The following WDR76 variants were observed in gnomAD, a reference collection of about 807,000 sequenced individuals.
WDR76 encodes WD repeat-containing protein 76.
A neutral mutation model predicts 70.2 loss-of-function variants in WDR76; 52 were observed. The observed-to-expected ratio is 0.74, with a 90% confidence interval of 0.59 to 0.93. The LOEUF is 0.93. Ranked by LOEUF, WDR76 falls within the 40% of genes least tolerant of loss-of-function variation. WDR76 has a pLI of 0.00. For missense variants in WDR76, 756 were observed against 760.2 expected (o/e 0.99, Z 0.07); for synonymous variants, 292 against 271.1 (o/e 1.08, Z -0.76).
chr15:43,845,993 A>G (rs2087784023), intron 8 of WDR76, among the ~76,000 whole-genome samples: 1 of 150,044 alleles, frequency 6.7e-6, no homozygotes. Context: ...GTGAGTGGGG[A>G]TAGGAGGTGA....
intron 11 of WDR76, among the ~76,000 whole-genome samples, chr15:43,860,413 T>C (rs1455805319): frequency 1.3e-5 from 2 of 152,228 alleles, no homozygotes; most frequent in African/African-American, 4.8e-5. Flanking sequence ...TCCCATATTT[T>C]TGTGAATTTT....
chr15:43,842,108 C>T (rs1389415451), intron 5 of WDR76, among the ~76,000 whole-genome samples: 1 of 152,062 alleles, frequency 6.6e-6, no homozygotes, highest in Non-Finnish European at 1.5e-5. Context: ...CCTTGTGATC[C>T]GCCTGCCTCG....
rs1244496014 is a variant in WDR76 at position 43,867,969 on chromosome 15, A to G, written c.*1577A>G. On this transcript the variant is annotated 3_prime_UTR_variant, in exon 13 of 13. Coordinates refer to ENST00000263795, the MANE Select transcript of WDR76 (RefSeq NM_024908.4). ...AGAGGAAATATTTTCCCATAATTGT[A>G]TATCAGAGAAATATAGTGATATACA... The G allele has an allele frequency of 2.6e-5, 4 of 152,202 alleles. No homozygotes were observed. The highest frequency in any genetic ancestry group is 4.4e-5 in the Non-Finnish European group (3 of 68,030). 9.4% of individuals were successfully genotyped at this position (152,202 alleles called of 1,614,324 possible). A position where few individuals can be genotyped will look rare whatever the true frequency, so the allele number is the denominator to read the frequency against.
rs567839142 is a variant in WDR76 at position 43,833,624 on chromosome 15, T to C, written c.463-1437T>C. On this transcript the variant is annotated intron_variant, in intron 2 of 12. Coordinates refer to ENST00000263795, the MANE Select transcript of WDR76 (RefSeq NM_024908.4). ...GTGAGCCACTGCTCCCAGCCCTTTC[T>C]TTTTTTTTTTTGTTTGTTTGTTTTT... Among the ~76,000 whole-genome samples the C allele has an allele frequency of 1.6e-3, 217 of 138,204 alleles. 1 individual carries two copies. Among genetic ancestry groups the C allele is most frequent in the Non-Finnish European group, 2.5e-3 (164 of 65,074 alleles). The allele number at this position is 138,204 out of a possible 152,430, so 90.7% of individuals were successfully genotyped here. A position where few individuals can be genotyped will look rare whatever the true frequency, so the allele number is the denominator to read the frequency against.
At chr15:43,848,823 A>G (rs994095715) in intron 8 of WDR76, among the ~76,000 whole-genome samples, 3 of 152,078 alleles carry the variant, frequency 2.0e-5, no homozygotes, top group Admixed American at 1.3e-4. Flanking sequence ...CTGTAATCCC[A>G]GCCACTTGGG....
At position 43,866,851 on chromosome 15, in the gene WDR76, C is replaced by G. The variant is rs1384310382; in HGVS notation, c.*459C>G. The G allele has an allele frequency of 1.3e-5, 2 of 157,316 alleles. No homozygotes were observed. Among genetic ancestry groups the G allele is most frequent in the Non-Finnish European group, 2.8e-5 (2 of 70,958 alleles). The allele number at this position is 157,316 out of a possible 1,614,324, so 9.7% of individuals were successfully genotyped here. A position where few individuals can be genotyped will look rare whatever the true frequency, so the allele number is the denominator to read the frequency against. ...TCATGTTGGCCAGGCTGGTCTCGAG[C>G]TCCTGACCTCAGGTGATCTGCCCGC... On this transcript the variant is annotated 3_prime_UTR_variant, in exon 13 of 13. Coordinates refer to ENST00000263795, the MANE Select transcript of WDR76 (RefSeq NM_024908.4).
chr15:43,849,955 C>T (rs894752038), intron 8 of WDR76, among the ~76,000 whole-genome samples: 1 of 152,166 alleles, frequency 6.6e-6, no homozygotes, highest in African/African-American at 2.4e-5. Context: ...TCAGTAGTTT[C>T]TAACTCTGGT....
intron 12 of WDR76, among the ~76,000 whole-genome samples, chr15:43,864,950 A>T (rs964523506): frequency 1.3e-5 from 2 of 151,448 alleles, no homozygotes; most frequent in Non-Finnish European, 2.9e-5. Flanking sequence ...TTTGAAATGG[A>T]GTCTCCCTCT....
In WDR76 at chr15:43,857,053, A is replaced by G; in HGVS notation, c.1299A>G (p.Arg433=). The part of the protein sequence containing the change: ...HWDGNMSLVD[R]RTPGTSYEKL... ...ATGGAAATATGTCACTGGTGGATAG[A>G]CGGACACCTGGAACTTCTTATGAGA... Residue 433 remains arginine, a synonymous_variant, in exon 10 of 13, where the codon AGA becomes AGG. Transcript: ENST00000263795. The G allele has an allele frequency of 6.2e-7, 1 of 1,614,122 alleles. No homozygotes were observed. Among genetic ancestry groups the G allele is most frequent in the Admixed American group, 1.7e-5 (1 of 60,016 alleles).
At position 43,850,688 on chromosome 15, in the gene WDR76, T is replaced by C. The variant is rs117683024; in HGVS notation, c.1033-399T>C. ...TTACGAAAATTACACTGAGAATGAG[T>C]AAGTTAATATTATACAGAAGAAGCC... On this transcript the variant is annotated intron_variant, in intron 8 of 12. Coordinates refer to ENST00000263795, the MANE Select transcript of WDR76 (RefSeq NM_024908.4). Among the ~76,000 whole-genome samples, 1,108 of 152,168 alleles carry C rather than the reference T, an allele frequency of 7.3e-3. 2 individuals carry two copies. Among genetic ancestry groups the C allele is most frequent in the Non-Finnish European group, 0.011 (731 of 68,008 alleles).
rs1422331350 is a variant in WDR76 at position 43,842,621 on chromosome 15, G to C, written c.835-7G>C. On this transcript the variant is annotated splice_region_variant and splice_polypyrimidine_tract_variant and intron_variant, in intron 6 of 12. Transcript: ENST00000263795. ...ACTTAGTTCTTTCATCTCTCCCAAT[G>C]TTTCAGCCAAGTAGTAAGAACACTG... The C allele has an allele frequency of 6.2e-7, 1 of 1,609,302 alleles. No individual in the cohort carries two copies. The highest frequency in any genetic ancestry group is 1.7e-5 in the Admixed American group (1 of 59,790).
At chr15:43,831,161 G>T (rs2087583295) in intron 2 of WDR76, among the ~76,000 whole-genome samples, 1 of 152,074 alleles carries the variant, frequency 6.6e-6, no homozygotes, top group Non-Finnish European at 1.5e-5. Flanking sequence ...AACCTAGGTG[G>T]TGGAGGTTGC....
At chr15:43,853,436 C>G (rs77779160) in intron 9 of WDR76, among the ~76,000 whole-genome samples, 1 of 152,014 alleles carries the variant, frequency 6.6e-6, no homozygotes, top group East Asian at 1.9e-4. Flanking sequence ...AGTGATCTGC[C>G]CACCTTGGCC....
intron 12 of WDR76, among the ~76,000 whole-genome samples, chr15:43,863,538 TTTG>T (rs1305902218): frequency 2.0e-5 from 3 of 151,432 alleles, no homozygotes; most frequent in Non-Finnish European, 2.9e-5. Context: ...TGCCCAGCAG[TTTG>T]TTAACTACTC....
rs776058622 is a variant in WDR76 at position 43,851,255 on chromosome 15, A to C, written c.1191+10A>C. 7 of 1,613,324 alleles carry C rather than the reference A, an allele frequency of 4.3e-6. No individual in the cohort carries two copies. The highest frequency in any genetic ancestry group is 1.7e-5 in the Admixed American group (1 of 59,870). On this transcript the variant is annotated intron_variant, in intron 9 of 12. Coordinates refer to ENST00000263795, the MANE Select transcript of WDR76 (RefSeq NM_024908.4). ...GGCTATTTTTGAAGAGGTAAATGTT[A>C]ATGTGTTTACATGCTGACTTCAGAT... is the stretch of plus-strand genomic sequence containing the variant.
chr15:43,832,642 C>T (rs2141723323), intron 2 of WDR76, among the ~76,000 whole-genome samples: 1 of 150,830 alleles, frequency 6.6e-6, no homozygotes, highest in East Asian at 2.0e-4. Context: ...GATTAGGTTT[C>T]ACCATGGTGG....
At chr15:43,835,461 C>A (rs2087644006) in intron 3 of WDR76, among the ~76,000 whole-genome samples, 1 of 150,158 alleles carries the variant, frequency 6.7e-6, no homozygotes, top group South Asian at 2.1e-4. Flanking sequence ...TGCATTCCAG[C>A]TTGGGCAACA....
chr15:43,861,302 A>G (rs1476083689), intron 11 of WDR76, 31 bp from the exon 12 acceptor site: 2 of 1,589,258 alleles, frequency 1.3e-6, no homozygotes, highest in East Asian at 4.5e-5. Context: ...TTTAAGTAAC[A>G]AAAGAATGTC....
chr15:43,849,133 C>G (rs1362079704), intron 8 of WDR76, among the ~76,000 whole-genome samples: 1 of 149,328 alleles, frequency 6.7e-6, no homozygotes, highest in Admixed American at 6.7e-5. Context: ...TGAGATCGTG[C>G]CACTGCACTC....
Sources: gnomAD v4.1 joint callset for allele counts (sites outside exome capture counted in the v4.1 genomes callset) on GRCh38, gnomAD v4.1.1 for gene constraint, MANE v1.5 for transcripts, NCBI Gene and HGNC (gene_info 2026-07-23, HGNC 2026-07-21) for gene names.